Variants in SYNPR observed in about 807,000 individuals in gnomAD.
The protein encoded by SYNPR is synaptoporin.
SYNPR carries 23 observed loss-of-function variants against 32.9 expected under a neutral mutation model. The ratio of observed to expected loss-of-function variants is 0.70; its 90% confidence interval spans 0.50 to 0.99. The LOEUF is 0.99. Among genes scored for constraint, SYNPR ranks in the 50% least tolerant of loss-of-function variants. The pLI, the probability that SYNPR is intolerant of heterozygous loss-of-function variation, is 0.00. For missense variants in SYNPR, 318 were observed against 349.3 expected (o/e 0.91, Z 0.71); for synonymous variants, 146 against 135.9 (o/e 1.07, Z -0.52).
chr3:63,591,773 A>G (rs1699831611), intron 4 of SYNPR, among the ~76,000 whole-genome samples: 1 of 110,498 alleles, frequency 9.0e-6, no homozygotes, highest in African/African-American at 3.6e-5. Context: ...ACATGGACAC[A>G]GGAAGGGGAA....
At chr3:63,225,193 A>G (rs1431231999), upstream of SYNPR, among the ~76,000 whole-genome samples, 1 of 152,178 alleles carries the variant, frequency 6.6e-6, no homozygotes, top group African/African-American at 2.4e-5. Flanking sequence ...GCAGGGACTT[A>G]ATGTATTCTA....
intron 3 of SYNPR, among the ~76,000 whole-genome samples, chr3:63,551,831 A>G (rs571411482): frequency 3.2e-4 from 48 of 152,076 alleles, no homozygotes; most frequent in African/African-American, 1.0e-3. Flanking sequence ...GCACCATTCC[A>G]TCTCTTCTTT....
the SYNPR span, among the ~76,000 whole-genome samples, chr3:63,203,707 G>C: frequency 6.6e-6 from 1 of 152,082 alleles, no homozygotes; most frequent in African/African-American, 2.4e-5. Context: ...GCTTAAAAGT[G>C]TTCTTTGGGC....
At chr3:63,350,277 A>G (rs57411774) in intron 2 of SYNPR, among the ~76,000 whole-genome samples, 34,094 of 151,812 alleles carry the variant, frequency 0.22, 4,193 homozygotes, top group African/African-American at 0.33. Flanking sequence ...AGGGGAGACT[A>G]TTCCCTATAT....
chr3:63,491,610 T>C lies in SYNPR; in HGVS notation c.209+10654T>C, dbSNP rs76583264. 8.4e-3 allele frequency among the ~76,000 whole-genome samples: 1,273 copies of C among 152,274 alleles called. 59 individuals carry two copies. In the East Asian group the frequency reaches 0.13, roughly 16 times the overall value. On this transcript the variant is annotated intron_variant, in intron 3 of 5. Coordinates refer to ENST00000478300, the MANE Select transcript of SYNPR (RefSeq NM_001130003.2). ...ATCTGGACTTACTGCAATCTCCACCTCCTGGGTTCAAGTGATTCTCGTGCC... is the reference window on the plus strand; with the variant it reads ...ATCTGGACTTACTGCAATCTCCACCCCCTGGGTTCAAGTGATTCTCGTGCC...
In SYNPR at chr3:63,503,956, T is replaced by C. The variant is rs190579148; in HGVS notation, c.209+23000T>C. 1.3e-3 allele frequency among the ~76,000 whole-genome samples: 191 copies of C among 152,262 alleles called. 1 individual carries two copies. The highest frequency in any genetic ancestry group is 4.1e-3 in the African/African-American group (169 of 41,568). ...ATTTATACCCAGCATTAACAGATTATAGAAGATTACCATTTCCTACTTAGT... is the reference window on the plus strand; with the variant it reads ...ATTTATACCCAGCATTAACAGATTACAGAAGATTACCATTTCCTACTTAGT... On this transcript the variant is annotated intron_variant, in intron 3 of 5. Coordinates refer to ENST00000478300, the MANE Select transcript of SYNPR (RefSeq NM_001130003.2).
intron 4 of SYNPR, among the ~76,000 whole-genome samples, chr3:63,601,209 G>A (rs1279108495): frequency 6.6e-6 from 1 of 151,512 alleles, no homozygotes; most frequent in African/African-American, 2.4e-5. Context: ...GGAGGTGGAG[G>A]TTGTGGTGAG....
At chr3:63,395,397 C>T (rs191995356) in intron 2 of SYNPR, among the ~76,000 whole-genome samples, 1 of 152,210 alleles carries the variant, frequency 6.6e-6, no homozygotes, top group Admixed American at 6.5e-5. Context: ...TGGCAAAATA[C>T]GTGTAGTAAT....
At chr3:63,490,495 T>C (rs1467274820) in intron 3 of SYNPR, among the ~76,000 whole-genome samples, 1 of 151,894 alleles carries the variant, frequency 6.6e-6, no homozygotes, top group Non-Finnish European at 1.5e-5. Context: ...GCTGCAGCCG[T>C]CCAAGGAAAA....
intron 3 of SYNPR, among the ~76,000 whole-genome samples, chr3:63,533,666 T>C (rs1258240540): frequency 6.6e-6 from 1 of 152,150 alleles, no homozygotes; most frequent in Non-Finnish European, 1.5e-5. Flanking sequence ...ACATGTACAG[T>C]GGAAACTAAC....
At chr3:63,350,101 A>G (rs1410645883) in intron 2 of SYNPR, among the ~76,000 whole-genome samples, 1 of 152,120 alleles carries the variant, frequency 6.6e-6, no homozygotes, top group African/African-American at 2.4e-5. Context: ...CTCATCTACG[A>G]CATTTTAGGA....
chr3:63,424,697 A>G (rs1487850752), intron 2 of SYNPR, among the ~76,000 whole-genome samples: 1 of 152,218 alleles, frequency 6.6e-6, no homozygotes, highest in African/African-American at 2.4e-5. Context: ...ACCAAAATGT[A>G]CACAATATCG....
intron 2 of SYNPR, among the ~76,000 whole-genome samples, chr3:63,467,321 C>G (rs1237937921): frequency 1.3e-5 from 2 of 152,190 alleles, no homozygotes; most frequent in African/African-American, 2.4e-5. Flanking sequence ...AAAGAATGAG[C>G]AAGATACAGG....
chr3:63,342,808 CAAGATT>C (rs1254969777), intron 2 of SYNPR, among the ~76,000 whole-genome samples: 1 of 152,134 alleles, frequency 6.6e-6, no homozygotes, highest in Non-Finnish European at 1.5e-5. Context: ...ACAAGACTAT[CAAGATT>C]GTCTATTTCA....
chr3:63,234,387 T>C (rs2086186300), intron 1 of SYNPR, among the ~76,000 whole-genome samples: 1 of 152,132 alleles, frequency 6.6e-6, no homozygotes, highest in African/African-American at 2.4e-5. Flanking sequence ...ATCAATGGGA[T>C]TGCATTCTTC....
intron 4 of SYNPR, among the ~76,000 whole-genome samples, chr3:63,586,654 ATGTGTGTGTGTGTGTG>A (rs10530383): frequency 7.0e-6 from 1 of 143,632 alleles, no homozygotes; most frequent in Non-Finnish European, 1.5e-5. Context: ...TGCAGATTCA[ATGTGTGTGTGTGTGTG>A]TGTGTGTGTG....
chr3:63,259,668 C>G (rs1181615193), intron 2 of SYNPR, among the ~76,000 whole-genome samples: 1 of 152,174 alleles, frequency 6.6e-6, no homozygotes, highest in Non-Finnish European at 1.5e-5. Flanking sequence ...TGGTACAAGA[C>G]AGGGATGCCC....
intron 4 of SYNPR, among the ~76,000 whole-genome samples, chr3:63,567,047 GTTC>G (rs976061765): frequency 6.6e-6 from 1 of 152,108 alleles, no homozygotes; most frequent in Admixed American, 6.6e-5. Context: ...TACATCAAAT[GTTC>G]TTCTATATTA....
chr3:63,270,900 TCTTTCCTTCC>T (rs2086529107), intron 3 of SYNPR, among the ~76,000 whole-genome samples: 1 of 59,830 alleles, frequency 1.7e-5, no homozygotes, highest in African/African-American at 5.8e-5. Context: ...TCCTTCCTTT[TCTTTCCTTCC>T]TTCCTTCCTT....
Sources: allele counts gnomAD v4.1 joint callset (sites outside exome capture counted in the v4.1 genomes callset), GRCh38; gene constraint gnomAD v4.1.1; transcripts MANE v1.5; gene names NCBI Gene and HGNC (gene_info 2026-07-23, HGNC 2026-07-21).